FAM228A: variants seen among roughly 807,000 people sequenced by gnomAD.
The protein encoded by FAM228A is family with sequence similarity 228 member A, also known as protein FAM228A.
Under a neutral mutation model 18.6 loss-of-function variants are expected in FAM228A, and 13 were observed. The observed-to-expected ratio is 0.70, with a 90% CI of 0.45 to 1.11. The LOEUF (loss-of-function observed/expected upper bound fraction) is 1.11, where lower values mean the gene tolerates loss of function less well. FAM228A is among the 50% of genes least tolerant of loss of function. The pLI is 0.00. For synonymous variants in FAM228A, 77 were observed against 86.6 expected (o/e 0.89, Z 0.61); for missense variants, 240 against 242.2 (o/e 0.99, Z 0.06).
chr2:24,180,893 C>T (rs1667801825), intron 3 of FAM228A, among the ~76,000 whole-genome samples: 1 of 152,048 alleles, frequency 6.6e-6, no homozygotes, highest in African/African-American at 2.4e-5. Flanking sequence ...AGGAAGAAAA[C>T]TGGAAAGAGG....
chr2:24,191,603 C>A lies in FAM228A; in HGVS notation c.*972C>A. On this transcript the variant is annotated 3_prime_UTR_variant, in exon 6 of 6. Transcript: ENST00000295150. ...TGCCACAGTCAAGCTTGTTGACATA[C>A]CCACCAGCTCACATTTACTGTTTTC... is the stretch of plus-strand genomic sequence containing the variant. 2 of 556,264 alleles carry A rather than the reference C, an allele frequency of 3.6e-6. No individual in the cohort carries two copies. Among genetic ancestry groups the A allele is most frequent in the Non-Finnish European group, 4.6e-6 (2 of 437,400 alleles). 34.5% of individuals were successfully genotyped at this position (556,264 alleles called of 1,614,324 possible). A position where few individuals can be genotyped will look rare whatever the true frequency, so the allele number is the denominator to read the frequency against.
chr2:24,184,826 CTTTT>C (rs1169233564), intron 5 of FAM228A, among the ~76,000 whole-genome samples: 2 of 138,432 alleles, frequency 1.4e-5, no homozygotes, highest in African/African-American at 5.3e-5. Flanking sequence ...GCTGTATGGC[CTTTT>C]TTTTTTTTTT....
At chr2:24,180,291 CA>C (rs11393744) in intron 3 of FAM228A, among the ~76,000 whole-genome samples, 9 of 132,802 alleles carry the variant, frequency 6.8e-5, no homozygotes, top group East Asian at 2.2e-4. Context: ...CCCGTCTGTA[CA>C]AAAAAAAAAA....
At chr2:24,179,164 G>A in intron 3 of FAM228A, 2 of 1,175,928 alleles carry the variant, frequency 1.7e-6, no homozygotes, top group Non-Finnish European at 2.2e-6. Context: ...GAAGAAAAGA[G>A]ATGTTACATA....
chr2:24,189,782 G>A (rs150512419), intron 5 of FAM228A, among the ~76,000 whole-genome samples: 1 of 152,258 alleles, frequency 6.6e-6, no homozygotes, highest in African/African-American at 2.4e-5. Context: ...ACGTGGCGAG[G>A]TGAGGCAGAG....
At chr2:24,180,752 C>T (rs191454183) in intron 3 of FAM228A, among the ~76,000 whole-genome samples, 87 of 152,226 alleles carry the variant, frequency 5.7e-4, no homozygotes, top group Middle Eastern at 3.4e-3. Flanking sequence ...AGAGGCTGTG[C>T]TTAGAGTGGG....
In FAM228A at chr2:24,175,394, T is replaced by G. The variant is rs556376130; in HGVS notation, c.-14-73T>G. ...AAGGGGCCGAGCGGGATTTGAACAC[T>G]CCCTGAGCCCAAAGGCCTGGCTCTC... On this transcript the variant is annotated intron_variant, in intron 1 of 5. Coordinates refer to ENST00000295150, the MANE Select transcript of FAM228A (RefSeq NM_001040710.3). The G allele has an allele frequency of 2.3e-5, 25 of 1,077,222 alleles. No individual in the cohort carries two copies. The East Asian group carries it at 6.0e-4, about 26-fold the overall frequency. The allele number at this position is 1,077,222 out of a possible 1,614,324, so 66.7% of individuals were successfully genotyped here.
chr2:24,177,289 A>T (rs1037248196), intron 2 of FAM228A, among the ~76,000 whole-genome samples: 9 of 152,156 alleles, frequency 5.9e-5, no homozygotes, highest in Non-Finnish European at 1.2e-4. Flanking sequence ...AAAACACAGA[A>T]ATTAGCCAGC....
At chr2:24,189,268 G>A (rs1668027784) in intron 5 of FAM228A, among the ~76,000 whole-genome samples, 1 of 152,164 alleles carries the variant, frequency 6.6e-6, no homozygotes, top group Non-Finnish European at 1.5e-5. Flanking sequence ...CATGGCACAT[G>A]AGGCACCATC....
chr2:24,177,985 T>G, intron 3 of FAM228A, 115 bp downstream of exon 3: 1 of 638,992 alleles, frequency 1.6e-6, no homozygotes, highest in Non-Finnish European at 2.7e-6. Flanking sequence ...TTTGCAGGAG[T>G]AATGAGGATC....
intron 2 of FAM228A, chr2:24,175,995 C>A: frequency 1.0e-6 from 1 of 999,204 alleles, no homozygotes; most frequent in Non-Finnish European, 1.2e-6. Context: ...GCGGTCGGAG[C>A]AGTGAGATGC....
Position 24,183,556 on chromosome 2 carries a change from G to T in FAM228A, c.312G>T (p.Ser104=), listed in dbSNP as rs770045812. The change falls in exon 5 of 6, where the codon TCG becomes TCT. Residue 104 remains serine, a synonymous_variant. Coordinates refer to ENST00000295150, the MANE Select transcript of FAM228A (RefSeq NM_001040710.3). ...AGAAGGCCAGGCTGCATGCCAGCTCGCCCTACTTCACTTTCACTTCACACT... is the reference window on the plus strand; with the variant it reads ...AGAAGGCCAGGCTGCATGCCAGCTCTCCCTACTTCACTTTCACTTCACACT... ...EIEKARLHAS[S]PYFTFTSHCV... 1 of 1,613,976 alleles carries T rather than the reference G, an allele frequency of 6.2e-7. No individual in the cohort carries two copies. The highest frequency in any genetic ancestry group is 8.5e-7 in the Non-Finnish European group (1 of 1,179,906).
Position 24,175,492 on chromosome 2 carries a change from C to G in FAM228A, c.12C>G (p.Thr4=), listed in dbSNP as rs1337882938. ...GGATTCTCCTGTCCATGGCTGCCAC[C>G]AAAACTGCGAGTTATGATGAACATT... is the stretch of plus-strand genomic sequence containing the variant. MAA[T]KTASYDEHFR... Residue 4 remains threonine (T), a synonymous_variant, in exon 2 of 6, where the codon ACC becomes ACG. Coordinates refer to ENST00000295150, the MANE Select transcript of FAM228A (RefSeq NM_001040710.3). 3 of 1,614,114 alleles carry G rather than the reference C, an allele frequency of 1.9e-6. No individual in the cohort carries two copies. The highest frequency in any genetic ancestry group is 1.1e-5 in the South Asian group (1 of 91,080).
chr2:24,183,941 T>A (rs901815313), intron 5 of FAM228A, among the ~76,000 whole-genome samples: 1 of 152,224 alleles, frequency 6.6e-6, no homozygotes, highest in Non-Finnish European at 1.5e-5. Context: ...AGTGTTCACC[T>A]CCTTGCTCTC....
intron 3 of FAM228A, among the ~76,000 whole-genome samples, chr2:24,181,473 C>T (rs1488437777): frequency 2.0e-5 from 3 of 152,170 alleles, no homozygotes; most frequent in Admixed American, 6.5e-5. Flanking sequence ...CAACTTCTGC[C>T]TCCGGGGTTC....
intron 5 of FAM228A, among the ~76,000 whole-genome samples, chr2:24,190,129 G>T (rs1157169074): frequency 6.6e-6 from 1 of 152,196 alleles, no homozygotes; most frequent in Non-Finnish European, 1.5e-5. Context: ...GAGGCTGCCT[G>T]GAAGCCCCTT....
intron 2 of FAM228A, chr2:24,175,857 A>G (rs908885768): frequency 5.3e-5 from 63 of 1,180,406 alleles, no homozygotes; most frequent in African/African-American, 9.4e-5. Context: ...TTGCCAGTCA[A>G]TTCTGCATAC....
chr2:24,188,864 G>A lies in FAM228A; in HGVS notation c.402-1548G>A, dbSNP rs374080796. On this transcript the variant is annotated intron_variant, in intron 5 of 5. Transcript: ENST00000295150. ...AGACTTCTATATTCTACACAAACAG[G>A]AGGTCTGTTATACACTCTCAATATT... Among the ~76,000 whole-genome samples, 55 of 152,218 alleles carry A rather than the reference G, an allele frequency of 3.6e-4. 1 individual carries two copies. The South Asian group carries it at 0.01, about 29-fold the overall frequency.
chr2:24,186,048 T>A (rs551945250), intron 5 of FAM228A, among the ~76,000 whole-genome samples: 1 of 152,250 alleles, frequency 6.6e-6, no homozygotes, highest in Admixed American at 6.5e-5. Context: ...TTTTTTGAGA[T>A]GGAGTCTCGC....
Sources: allele counts gnomAD v4.1 joint callset (sites outside exome capture counted in the v4.1 genomes callset), GRCh38; gene constraint gnomAD v4.1.1; transcripts MANE v1.5; gene names NCBI Gene and HGNC (gene_info 2026-07-23, HGNC 2026-07-21).